Variants in SNX29 observed in about 807,000 individuals in gnomAD.
SNX29 encodes the protein sorting nexin-29.
In SNX29, 78 loss-of-function variants were observed where a neutral mutation model predicts 102.1. The observed-to-expected ratio is 0.76, with a 90% confidence interval of 0.64 to 0.92. The LOEUF (loss-of-function observed/expected upper bound fraction) is 0.92. Ranked by LOEUF, SNX29 falls within the 40% of genes least tolerant of loss-of-function variation. The probability of loss-of-function intolerance (pLI) is 0.00; values close to 1 mark genes in which losing one functional copy is unlikely to be tolerated. For synonymous variants in SNX29, 580 were observed against 414.5 expected, an observed-to-expected ratio of 1.40 and a Z score of -4.85; for missense variants, 1,280 against 1,061.7, an observed-to-expected ratio of 1.21 and a Z score of -2.86.
At chr16:11,979,748 T>C (rs957316954) in intron 1 of SNX29, among the ~76,000 whole-genome samples, 1 of 152,058 alleles carries the variant, frequency 6.6e-6, no homozygotes, top group African/African-American at 2.4e-5. Flanking sequence ...CATGCCCGGC[T>C]GAGTTTTGTA....
intron 13 of SNX29, among the ~76,000 whole-genome samples, chr16:12,148,698 T>A (rs762972507): frequency 1.3e-5 from 2 of 152,100 alleles, no homozygotes; most frequent in Non-Finnish European, 2.9e-5. Flanking sequence ...TCTTGTTTTA[T>A]TTTATTTTAT....
chr16:12,334,479 C>G (rs553091859), intron 15 of SNX29, among the ~76,000 whole-genome samples: 4 of 152,268 alleles, frequency 2.6e-5, no homozygotes, highest in East Asian at 3.9e-4. Context: ...TTCACTTAAT[C>G]TTGATGCATA....
chr16:12,448,414 G>T (rs987760436), intron 18 of SNX29, among the ~76,000 whole-genome samples: 1 of 152,012 alleles, frequency 6.6e-6, no homozygotes, highest in East Asian at 1.9e-4. Flanking sequence ...TCAATTGCTG[G>T]TGAACATGTT....
At chr16:12,418,080 G>T (rs1371635289) in intron 18 of SNX29, among the ~76,000 whole-genome samples, 1 of 152,088 alleles carries the variant, frequency 6.6e-6, no homozygotes, top group Non-Finnish European at 1.5e-5. Flanking sequence ...GGATTCCCAC[G>T]TGTCGGGAAA....
At chr16:12,246,752 G>C (rs8060267) in intron 14 of SNX29, among the ~76,000 whole-genome samples, 2,782 of 152,316 alleles carry the variant, frequency 0.018, 84 homozygotes, top group African/African-American at 0.064. Flanking sequence ...GGTATTCTTA[G>C]AACAATGACC....
intron 20 of SNX29, chr16:12,546,301 C>T (rs1462999978): frequency 6.6e-6 from 1 of 152,224 alleles, no homozygotes; most frequent in African/African-American, 2.4e-5. Flanking sequence ...TAAAGACATA[C>T]CTGAGACTGT....
chr16:12,520,655 G>T (rs2090062799), intron 19 of SNX29, among the ~76,000 whole-genome samples: 1 of 152,316 alleles, frequency 6.6e-6, no homozygotes, highest in South Asian at 2.1e-4. Context: ...CGGCAACTTG[G>T]ATGAAGCAAA....
chr16:12,545,592 G>A (rs1178264664), intron 20 of SNX29: 1 of 152,216 alleles, frequency 6.6e-6, no homozygotes, highest in Admixed American at 6.5e-5. Context: ...ATTTCCTCTG[G>A]AATCCAGAGG....
intron 19 of SNX29, among the ~76,000 whole-genome samples, chr16:12,517,107 G>A (rs914304490): frequency 3.5e-4 from 53 of 152,180 alleles, no homozygotes; most frequent in African/African-American, 1.1e-3. Context: ...TGACGATGGC[G>A]TTATGGTAGG....
chr16:11,980,965 C>CA (rs1414673109), intron 1 of SNX29, among the ~76,000 whole-genome samples: 1 of 141,908 alleles, frequency 7.0e-6, no homozygotes, highest in Non-Finnish European at 1.5e-5. Context: ...TTTTCATTTT[C>CA]TTTTTTTTTT....
At chr16:12,485,338 G>C (rs1251996284) in intron 19 of SNX29, among the ~76,000 whole-genome samples, 1 of 152,184 alleles carries the variant, frequency 6.6e-6, no homozygotes, top group Non-Finnish European at 1.5e-5. Context: ...TATGGCTCAG[G>C]GAGCGAATGA....
At chr16:12,087,732 GA>G (rs1487015178) in intron 11 of SNX29, 16 of 408,780 alleles carry the variant, frequency 3.9e-5, no homozygotes, top group African/African-American at 3.2e-4. Context: ...GTACAGATGA[GA>G]AAGTCACTGA....
At chr16:12,460,026 C>A (rs2086710851) in intron 18 of SNX29, among the ~76,000 whole-genome samples, 1 of 152,230 alleles carries the variant, frequency 6.6e-6, no homozygotes, top group Admixed American at 6.5e-5. Context: ...AGCTTCCATG[C>A]AGCCAGAGAA....
intron 14 of SNX29, among the ~76,000 whole-genome samples, chr16:12,218,971 T>TA (rs1245768562): frequency 6.6e-6 from 1 of 152,154 alleles, no homozygotes; most frequent in Non-Finnish European, 1.5e-5. Flanking sequence ...AGACGGGGTT[T>TA]CACTGTGTTA....
At chr16:12,176,451 C>T (rs1322732596) in intron 13 of SNX29, among the ~76,000 whole-genome samples, 1 of 152,140 alleles carries the variant, frequency 6.6e-6, no homozygotes, top group African/African-American at 2.4e-5. Context: ...GTTTTACATC[C>T]ATAGATTCAA....
rs145448101 is a variant in SNX29, at chr16:12,320,172, C to A, written c.1783-35991C>A. Among the ~76,000 whole-genome samples the A allele has an allele frequency of 3.8e-3, 577 of 152,218 alleles. 4 individuals carry two copies. Among genetic ancestry groups the A allele is most frequent in the African/African-American group, 0.013 (550 of 41,524 alleles). ...CTTGAGAGACAGAGTAAAGGGCCGA[C>A]CCTGACTTCCCAGGGGGAGGTCTCC... On this transcript the variant is annotated intron_variant, in intron 15 of 20. Transcript: ENST00000566228.
chr16:12,491,912 C>G (rs1397008111), intron 19 of SNX29, among the ~76,000 whole-genome samples: 2 of 152,198 alleles, frequency 1.3e-5, no homozygotes, highest in Non-Finnish European at 2.9e-5. Flanking sequence ...GCCACATTTT[C>G]TTAATCCAGT....
chr16:12,163,934 T>C (rs1275475806), intron 13 of SNX29, among the ~76,000 whole-genome samples: 1 of 152,102 alleles, frequency 6.6e-6, no homozygotes, highest in Non-Finnish European at 1.5e-5. Flanking sequence ...AACTGAGATG[T>C]TAACAAGTAA....
At chr16:12,555,766 G>C (rs954837119) in intron 20 of SNX29, among the ~76,000 whole-genome samples, 2 of 151,874 alleles carry the variant, frequency 1.3e-5, no homozygotes, top group African/African-American at 4.9e-5. Flanking sequence ...CTAGCCTTCA[G>C]GCTGCTCAGT....
Sources: allele counts gnomAD v4.1 joint callset (sites outside exome capture counted in the v4.1 genomes callset), GRCh38; gene constraint gnomAD v4.1.1; transcripts MANE v1.5; gene names NCBI Gene and HGNC (gene_info 2026-07-23, HGNC 2026-07-21).